The following TLCD4 variants were observed in gnomAD, a reference collection of about 807,000 sequenced individuals.
The protein encoded by TLCD4 is TLC domain containing 4.
Under a neutral mutation model 24.2 loss-of-function variants are expected in TLCD4, and 7 were observed. The ratio of observed to expected loss-of-function variants is 0.29; its 90% CI spans 0.16 to 0.54. The LOEUF is 0.54. TLCD4 is among the 20% of genes least tolerant of loss of function. The pLI is 0.95. For missense variants in TLCD4, 259 were observed against 313.9 expected (o/e 0.82, Z 1.32); for synonymous variants, 103 against 106.4 (o/e 0.97, Z 0.20).
chr1:95,121,351 C>G (rs893993988), intron 1 of TLCD4, among the ~76,000 whole-genome samples: 2 of 152,168 alleles, frequency 1.3e-5, no homozygotes, highest in Non-Finnish European at 2.9e-5. Flanking sequence ...AGGCTCACAC[C>G]TCCCCTCACA....
intron 1 of TLCD4, 35 bp from the exon 2 acceptor site, chr1:95,143,856 A>G: frequency 1.5e-6 from 2 of 1,331,978 alleles, no homozygotes; most frequent in South Asian, 2.7e-5. Flanking sequence ...GTTTATTATG[A>G]GACAACAATT....
intron 6 of TLCD4, among the ~76,000 whole-genome samples, chr1:95,190,604 G>A (rs1379848608): frequency 6.6e-6 from 1 of 152,042 alleles, no homozygotes; most frequent in African/African-American, 2.4e-5. Context: ...TGGGATTACA[G>A]GGGTGAGCCA....
chr1:95,132,951 G>A (rs1236269551), intron 1 of TLCD4, among the ~76,000 whole-genome samples: 2 of 152,140 alleles, frequency 1.3e-5, no homozygotes, highest in East Asian at 3.9e-4. Context: ...AGCTATTCCA[G>A]GAGAGTGATG....
At chr1:95,095,723 G>A in the TLCD4 span, among the ~76,000 whole-genome samples, 13 of 152,160 alleles carry the variant, frequency 8.5e-5, no homozygotes, top group Admixed American at 2.6e-4. Context: ...TATGTATACT[G>A]TAAAATGAGA....
the TLCD4 span, among the ~76,000 whole-genome samples, chr1:95,093,495 C>T: frequency 1.3e-5 from 2 of 152,090 alleles, no homozygotes; most frequent in Admixed American, 1.3e-4. Context: ...TGTACTTCCC[C>T]CAGAGGTACT....
rs563044745 is a variant in TLCD4, at chr1:95,140,319, C to T, written c.-11-3572C>T. Among the ~76,000 whole-genome samples, 9 of 152,212 alleles carry T rather than the reference C, an allele frequency of 5.9e-5. No individual in the cohort carries two copies. In the East Asian group the frequency reaches 9.7e-4, roughly 16 times the overall value. ...AACACGTGAGTAATGTGTTGCGCTG[C>T]GGTGTTATGATGGCTACAGCGTCTC... On this transcript the variant is annotated intron_variant, in intron 1 of 6. Transcript: ENST00000370203.
intron 1 of TLCD4, among the ~76,000 whole-genome samples, chr1:95,129,363 G>A (rs932680262): frequency 1.3e-5 from 2 of 152,238 alleles, no homozygotes; most frequent in African/African-American, 4.8e-5. Flanking sequence ...TATTTTAGTC[G>A]ACAGGGAGGA....
the TLCD4 span, among the ~76,000 whole-genome samples, chr1:95,105,631 C>G: frequency 6.6e-6 from 1 of 152,082 alleles, no homozygotes; most frequent in African/African-American, 2.4e-5. Context: ...CGCGGTGGCT[C>G]ACGCCTGTAA....
At chr1:95,175,248 T>C (rs187592662) in intron 6 of TLCD4, among the ~76,000 whole-genome samples, 2 of 152,346 alleles carry the variant, frequency 1.3e-5, no homozygotes, top group Non-Finnish European at 2.9e-5. Context: ...TCTGTTTCTA[T>C]GATTTTGACT....
chr1:95,127,694 C>T (rs1012243705), intron 1 of TLCD4, among the ~76,000 whole-genome samples: 3 of 152,182 alleles, frequency 2.0e-5, no homozygotes, highest in Admixed American at 2.0e-4. Context: ...TAGAGAGCCA[C>T]CTGGTCTCTG....
At chr1:95,119,327 G>GGGT (rs1458211820) in intron 1 of TLCD4, among the ~76,000 whole-genome samples, 1 of 152,148 alleles carries the variant, frequency 6.6e-6, no homozygotes, top group East Asian at 1.9e-4. Flanking sequence ...AATCTCCACT[G>GGGT]GGTAAATTCA....
rs147093738 is a variant in TLCD4, at chr1:95,189,647, C to T, written c.474-1903C>T. On this transcript the variant is annotated intron_variant, in intron 6 of 6. Coordinates refer to ENST00000370203, the MANE Select transcript of TLCD4 (RefSeq NM_152487.3). ...TAGAATGTCTATAAATGGAATCATA[C>T]AGTGTACAGGATTTTCAGACTGATT... Among the ~76,000 whole-genome samples the T allele has an allele frequency of 1.2e-4, 19 of 152,290 alleles. 1 individual carries two copies. The East Asian group carries it at 3.1e-3, about 25-fold the overall frequency.
At chr1:95,133,023 G>A (rs897397393) in intron 1 of TLCD4, among the ~76,000 whole-genome samples, 4 of 152,094 alleles carry the variant, frequency 2.6e-5, no homozygotes, top group African/African-American at 4.8e-5. Context: ...CAGAATACAG[G>A]CAAATATTTC....
chr1:95,149,975 T>TA (rs1677448110), intron 3 of TLCD4, among the ~76,000 whole-genome samples: 1 of 152,138 alleles, frequency 6.6e-6, no homozygotes, highest in African/African-American at 2.4e-5. Context: ...GTAACTATCT[T>TA]ACTATGTAAG....
chr1:95,104,930 G>A, the TLCD4 span, among the ~76,000 whole-genome samples: 73 of 151,864 alleles, frequency 4.8e-4, 1 homozygote, highest in African/African-American at 1.7e-3. Flanking sequence ...TGAGGCAGGC[G>A]TGGATTGATT....
chr1:95,191,281 G>C (rs1679019072), intron 6 of TLCD4, among the ~76,000 whole-genome samples: 1 of 152,056 alleles, frequency 6.6e-6, no homozygotes, highest in Non-Finnish European at 1.5e-5. Context: ...GTATATTTGT[G>C]TGGGTCTATT....
rs1047532428 is a variant in TLCD4, at chr1:95,132,096, C to T, written c.-11-11795C>T. Among the ~76,000 whole-genome samples, 29 of 152,290 alleles carry T rather than the reference C, an allele frequency of 1.9e-4. 1 individual carries two copies. Among genetic ancestry groups the T allele is most frequent in the Admixed American group, 1.8e-3 (27 of 15,298 alleles). On this transcript the variant is annotated intron_variant, in intron 1 of 6. Coordinates refer to ENST00000370203, the MANE Select transcript of TLCD4 (RefSeq NM_152487.3). The stretch of plus-strand genomic sequence containing the variant: ...CAAAAGTTTTTGCTAGAAGCCAGGG[C>T]CATGCCCTTGAACTTCTCAACTTGC...
At chr1:95,184,427 CCTAGTTTTTACACTTTTT>C (rs1395036991) in intron 6 of TLCD4, among the ~76,000 whole-genome samples, 1 of 151,964 alleles carries the variant, frequency 6.6e-6, no homozygotes, top group African/African-American at 2.4e-5. Flanking sequence ...GCAAATAATT[CCTAGTTTTTACACTTTTT>C]CTAGTTTTTA....
At chr1:95,173,445 G>A (rs1678301669) in intron 5 of TLCD4, among the ~76,000 whole-genome samples, 1 of 152,102 alleles carries the variant, frequency 6.6e-6, no homozygotes, top group South Asian at 2.1e-4. Context: ...GAGTAGCTGG[G>A]ACTACAGGCG....
Sources: gnomAD v4.1 joint callset for allele counts (sites outside exome capture counted in the v4.1 genomes callset) on GRCh38, gnomAD v4.1.1 for gene constraint, MANE v1.5 for transcripts, NCBI Gene and HGNC (gene_info 2026-07-23, HGNC 2026-07-21) for gene names.